IL20RB: variants seen among roughly 807,000 people sequenced by gnomAD.
The protein encoded by IL20RB is interleukin 20 receptor subunit beta, also known as interleukin-20 receptor subunit beta.
A neutral mutation model predicts 33.3 loss-of-function variants in IL20RB; 21 were observed. The observed-to-expected ratio is 0.63, with a 90% CI of 0.45 to 0.91. The LOEUF (loss-of-function observed/expected upper bound fraction) is 0.91. Among genes scored for constraint, IL20RB ranks in the 40% least tolerant of loss-of-function variants. The pLI is 0.00. For missense variants in IL20RB, 345 were observed against 384.8 expected, an observed-to-expected ratio of 0.90 and a Z score of 0.86; for synonymous variants, 147 against 146.8, an observed-to-expected ratio of 1.00 and a Z score of -0.01.
intron 6 of IL20RB, among the ~76,000 whole-genome samples, chr3:137,000,847 A>G (rs1187086490): frequency 6.6e-6 from 1 of 152,188 alleles, no homozygotes; most frequent in Non-Finnish European, 1.5e-5. Flanking sequence ...CTTACAGGCA[A>G]CTACACTCTT....
chr3:136,981,120 T>C (rs2108197924), intron 2 of IL20RB, among the ~76,000 whole-genome samples: 1 of 152,264 alleles, frequency 6.6e-6, no homozygotes, highest in South Asian at 2.1e-4. Flanking sequence ...CACCTACATG[T>C]GTAGACATTC....
chr3:136,982,677 G>GATTGTGCCTCCATAA (rs1941805922), intron 3 of IL20RB, among the ~76,000 whole-genome samples: 1 of 128,862 alleles, frequency 7.8e-6, no homozygotes, highest in Admixed American at 8.4e-5. Context: ...TCCCTACTCT[G>GATTGTGCCTCCATAA]ATTGTGCCTC....
At chr3:136,978,860 A>T (rs1941698541) in intron 1 of IL20RB, among the ~76,000 whole-genome samples, 1 of 152,126 alleles carries the variant, frequency 6.6e-6, no homozygotes, top group African/African-American at 2.4e-5. Flanking sequence ...TGTCATCTTT[A>T]AATGTTTGGT....
At chr3:136,989,659 G>A in intron 4 of IL20RB, 94 bp downstream of exon 4, 1 of 1,426,750 alleles carries the variant, frequency 7.0e-7, no homozygotes, top group Non-Finnish European at 9.7e-7. Flanking sequence ...TGCTCACTGG[G>A]TGACCTGGGG....
At chr3:136,969,776 G>A (rs1682333) in intron 1 of IL20RB, among the ~76,000 whole-genome samples, 70,995 of 151,554 alleles carry the variant, frequency 0.47, 17,115 homozygotes, top group East Asian at 0.7. Context: ...GTGGTTTGCT[G>A]TTTTTTTTTC....
chr3:136,963,779 G>T (rs868365752), intron 1 of IL20RB, among the ~76,000 whole-genome samples: 78 of 107,140 alleles, frequency 7.3e-4, no homozygotes, highest in African/African-American at 2.2e-3. Flanking sequence ...TGCCATGCTG[G>T]TGCGCTGCAC....
At chr3:136,963,704 T>TA (rs1941295172) in intron 1 of IL20RB, among the ~76,000 whole-genome samples, 1 of 146,616 alleles carries the variant, frequency 6.8e-6, no homozygotes, top group African/African-American at 2.5e-5. Context: ...TTTTTTTTTT[T>TA]TATTATACTC....
intron 1 of IL20RB, among the ~76,000 whole-genome samples, chr3:136,977,361 A>C (rs978940603): frequency 7.3e-4 from 111 of 152,322 alleles, no homozygotes; most frequent in Admixed American, 7.2e-4. Context: ...TTAACTGTTG[A>C]ATCTTCTAAT....
intron 1 of IL20RB, among the ~76,000 whole-genome samples, chr3:136,972,419 G>A (rs973639439): frequency 1.3e-5 from 2 of 152,166 alleles, no homozygotes; most frequent in Non-Finnish European, 2.9e-5. Context: ...GAATTCAGCT[G>A]TGAATCCATC....
intron 6 of IL20RB, among the ~76,000 whole-genome samples, chr3:137,004,947 G>A (rs1217292826): frequency 7.2e-5 from 11 of 152,048 alleles, no homozygotes; most frequent in African/African-American, 2.4e-4. Context: ...AATGTGTCCC[G>A]GAGATTCTGC....
chr3:136,989,562 C>T lies in IL20RB; in HGVS notation c.528C>T (p.Ala176=), dbSNP rs244405. The part of the protein sequence containing the change: ...LVAYWRREPG[A]EEHVKMVRSG... ...CCTACTGGAGGAGGGAGCCTGGTGC[C>T]GAGGTGAGACTCCAGCCTTGGCCTT... is the stretch of plus-strand genomic sequence containing the variant. Residue 176 remains alanine, a synonymous_variant, in exon 4 of 7, where the codon GCC becomes GCT. Coordinates refer to ENST00000329582, the MANE Select transcript of IL20RB (RefSeq NM_144717.4). The T allele has an allele frequency of 1.1e-4, 176 of 1,613,696 alleles. No individual in the cohort carries two copies. Among genetic ancestry groups the T allele is most frequent in the Non-Finnish European group, 1.4e-4 (166 of 1,179,794 alleles).
Position 136,995,435 on chromosome 3 carries a change from T to C in IL20RB, c.704T>C (p.Leu235Pro), listed in dbSNP as rs373392261. The change falls in exon 6 of 7, where the codon CTG becomes CCG. Residue 235 changes from leucine (L) to proline (P), a missense_variant. Physicochemically the swap from Leu to Pro is moderately conservative, Grantham distance 98. Transcript: ENST00000329582. ...EVQGEAIPLV[L>P]ALFAFVGFML... ...CCAGGAGAGGCCATTCCCCTGGTAC[T>C]GGCCCTGTTTGCCTTTGTTGGCTTC... 1.2e-6 allele frequency: 2 copies of C among 1,614,092 alleles called. No individual in the cohort carries two copies. Among genetic ancestry groups the C allele is most frequent in the African/African-American group, 2.7e-5 (2 of 74,946 alleles).
chr3:136,995,148 A>G (rs776765612), intron 5 of IL20RB, among the ~76,000 whole-genome samples: 3 of 152,228 alleles, frequency 2.0e-5, no homozygotes, highest in African/African-American at 7.2e-5. Flanking sequence ...GGCTTAACAC[A>G]TGATACTCCT....
At chr3:136,984,511 T>G (rs149665750) in intron 3 of IL20RB, among the ~76,000 whole-genome samples, 151 of 152,060 alleles carry the variant, frequency 9.9e-4, no homozygotes, top group Middle Eastern at 6.8e-3. Flanking sequence ...GCAGAAGAGC[T>G]TCTGTTGTGA....
intron 6 of IL20RB, among the ~76,000 whole-genome samples, chr3:136,998,261 G>A (rs1942174928): frequency 6.7e-6 from 1 of 150,274 alleles, no homozygotes; most frequent in South Asian, 2.1e-4. Context: ...GTTGTCCTAA[G>A]AGTTACAATA....
intron 6 of IL20RB, among the ~76,000 whole-genome samples, chr3:136,999,394 C>A (rs1942196681): frequency 6.6e-6 from 1 of 152,064 alleles, no homozygotes; most frequent in Non-Finnish European, 1.5e-5. Context: ...CTGCACCTGG[C>A]CACAGCTAAT....
At chr3:136,992,271 A>T (rs1942048396) in intron 5 of IL20RB, among the ~76,000 whole-genome samples, 183 bp downstream of exon 5, 1 of 152,210 alleles carries the variant, frequency 6.6e-6, no homozygotes, top group African/African-American at 2.4e-5. Context: ...TAGAGGCAGG[A>T]GTCCACCCTG....
chr3:136,977,143 G>A (rs1219144911), intron 1 of IL20RB, among the ~76,000 whole-genome samples: 1 of 151,302 alleles, frequency 6.6e-6, no homozygotes, highest in Non-Finnish European at 1.5e-5. Flanking sequence ...GTATATACAT[G>A]ATTTCGGTTC....
Position 136,980,507 on chromosome 3 carries a change from C to T in IL20RB, c.130C>T (p.Leu44Phe). 1 of 1,614,214 alleles carries T rather than the reference C, an allele frequency of 6.2e-7. No individual in the cohort carries two copies. The highest frequency in any genetic ancestry group is 1.6e-4 in the Middle Eastern group (1 of 6,062). ...GCCTGCCCCTCAGAACCTCTCTGTA[C>T]TCTCAACCAACATGAAGCATCTCTT... ...ILPAPQNLSV[L>F]STNMKHLLMW... Residue 44 changes from leucine to phenylalanine, a missense_variant, in exon 2 of 7, where the codon CTC becomes TTC. Coordinates refer to ENST00000329582, the MANE Select transcript of IL20RB (RefSeq NM_144717.4).
Sources: gnomAD v4.1 joint callset for allele counts (sites outside exome capture counted in the v4.1 genomes callset) on GRCh38, gnomAD v4.1.1 for gene constraint, MANE v1.5 for transcripts, NCBI Gene and HGNC (gene_info 2026-07-23, HGNC 2026-07-21) for gene names.